The following INSC variants were observed in gnomAD, a reference collection of about 807,000 sequenced individuals.
The protein encoded by INSC is INSC spindle orientation adaptor protein.
Under a neutral mutation model 58.6 loss-of-function variants are expected in INSC, and 67 were observed. The observed-to-expected ratio is 1.14, with a 90% CI of 0.94 to 1.40. The LOEUF (loss-of-function observed/expected upper bound fraction) is 1.40. Among genes scored for constraint, INSC ranks in the 40% most tolerant of loss-of-function variants. The probability of loss-of-function intolerance (pLI) is 0.00; values close to 1 mark genes in which losing one functional copy is unlikely to be tolerated. For synonymous variants in INSC, 262 were observed against 276.1 expected, an observed-to-expected ratio of 0.95 and a Z score of 0.51; for missense variants, 714 against 692.0, an observed-to-expected ratio of 1.03 and a Z score of -0.36.
intron 1 of INSC, among the ~76,000 whole-genome samples, chr11:15,136,824 T>G (rs1054158921): frequency 1.3e-5 from 2 of 152,194 alleles, no homozygotes; most frequent in Non-Finnish European, 2.9e-5. Flanking sequence ...TCCAAATTCC[T>G]GTTAATATTG....
chr11:15,169,034 G>A (rs1457731950), intron 2 of INSC, among the ~76,000 whole-genome samples: 1 of 152,186 alleles, frequency 6.6e-6, no homozygotes, highest in Non-Finnish European at 1.5e-5. Context: ...ATGCCAGTGT[G>A]CAGGCCTTGT....
chr11:15,230,013 A>AATAT (rs1376517539), intron 9 of INSC, among the ~76,000 whole-genome samples: 3 of 23,864 alleles, frequency 1.3e-4, no homozygotes, highest in South Asian at 1.8e-3. Flanking sequence ...ATATATATAT[A>AATAT]ATATATATAT....
intron 7 of INSC, among the ~76,000 whole-genome samples, chr11:15,215,382 G>C (rs1477397793): frequency 6.6e-6 from 1 of 152,182 alleles, no homozygotes; most frequent in East Asian, 1.9e-4. Flanking sequence ...CTTGTGTTTG[G>C]GGCAGCTGGC....
intron 9 of INSC, among the ~76,000 whole-genome samples, chr11:15,229,307 C>A (rs1452085041): frequency 6.6e-6 from 1 of 152,104 alleles, no homozygotes; most frequent in Non-Finnish European, 1.5e-5. Flanking sequence ...ATTTCTGGGA[C>A]CTCACTGTGA....
intron 2 of INSC, among the ~76,000 whole-genome samples, chr11:15,173,624 A>G (rs915143007): frequency 4.6e-5 from 7 of 152,026 alleles, no homozygotes; most frequent in Admixed American, 2.0e-4. Flanking sequence ...ACATATATGT[A>G]TGTGTTCACA....
chr11:15,203,083 A>C (rs1254528822), intron 7 of INSC, among the ~76,000 whole-genome samples: 3 of 152,230 alleles, frequency 2.0e-5, no homozygotes, highest in Non-Finnish European at 2.9e-5. Flanking sequence ...TCTCCATCTT[A>C]AAGATAAGGA....
intron 9 of INSC, among the ~76,000 whole-genome samples, chr11:15,234,757 T>C (rs1286737673): frequency 6.6e-6 from 1 of 152,216 alleles, no homozygotes; most frequent in Non-Finnish European, 1.5e-5. Flanking sequence ...GTATCTGAGT[T>C]AACAGGTGCC....
intron 6 of INSC, among the ~76,000 whole-genome samples, chr11:15,197,288 G>C (rs1277866024): frequency 6.6e-6 from 1 of 152,220 alleles, no homozygotes; most frequent in Admixed American, 6.5e-5. Flanking sequence ...AAAAGATTCA[G>C]GGAGGACTTC....
chr11:15,180,237 A>G (rs1352582086), intron 5 of INSC, among the ~76,000 whole-genome samples: 2 of 152,088 alleles, frequency 1.3e-5, no homozygotes, highest in Non-Finnish European at 2.9e-5. Context: ...CAGCCTGGGC[A>G]ACAGAGTGAG....
chr11:15,240,639 T>C, intron 12 of INSC, 116 bp downstream of exon 12: 1 of 750,902 alleles, frequency 1.3e-6, no homozygotes, highest in Non-Finnish European at 2.4e-6. Flanking sequence ...CTCTCTGGGC[T>C]TTAGCTTTTC....
At chr11:15,269,323 T>C in the INSC span, among the ~76,000 whole-genome samples, 1 of 152,050 alleles carries the variant, frequency 6.6e-6, no homozygotes, top group South Asian at 2.1e-4. Context: ...CATGGCTTCT[T>C]CTACATGTTC....
chr11:15,143,007 T>C (rs1399046829), intron 1 of INSC, among the ~76,000 whole-genome samples: 1 of 152,004 alleles, frequency 6.6e-6, no homozygotes, highest in African/African-American at 2.4e-5. Flanking sequence ...ATAGTTACCA[T>C]TGTCTCCAGT....
the INSC span, among the ~76,000 whole-genome samples, chr11:15,266,801 A>T: frequency 6.6e-6 from 1 of 152,000 alleles, no homozygotes; most frequent in Non-Finnish European, 1.5e-5. Context: ...CATCCAATCC[A>T]CTTTCCCAAC....
chr11:15,188,955 C>A (rs1183735207), intron 5 of INSC, among the ~76,000 whole-genome samples: 2 of 152,098 alleles, frequency 1.3e-5, no homozygotes, highest in Non-Finnish European at 2.9e-5. Context: ...AGTGACAAAT[C>A]TTGGTTATTA....
chr11:15,249,208 T>C (rs1432131717), downstream of INSC, among the ~76,000 whole-genome samples: 1 of 151,898 alleles, frequency 6.6e-6, no homozygotes, highest in Non-Finnish European at 1.5e-5. Flanking sequence ...CAGAGAAGAG[T>C]AGAGATTGGA....
intron 2 of INSC, among the ~76,000 whole-genome samples, chr11:15,173,787 A>C (rs1039742972): frequency 6.6e-6 from 1 of 152,232 alleles, no homozygotes; most frequent in Non-Finnish European, 1.5e-5. Context: ...CAATTTCATA[A>C]TTAAACATAA....
At chr11:15,135,641 A>C (rs991560885) in intron 1 of INSC, among the ~76,000 whole-genome samples, 1 of 152,222 alleles carries the variant, frequency 6.6e-6, no homozygotes, top group Non-Finnish European at 1.5e-5. Context: ...TTGGTCACAT[A>C]GGATGTGAGC....
chr11:15,151,414 T>C (rs1349222108), intron 2 of INSC, among the ~76,000 whole-genome samples: 1 of 151,920 alleles, frequency 6.6e-6, no homozygotes, highest in African/African-American at 2.4e-5. Flanking sequence ...TAATAATCTC[T>C]CTCCCTCCCA....
At chr11:15,162,293 A>G (rs1849045656) in intron 2 of INSC, among the ~76,000 whole-genome samples, 1 of 152,132 alleles carries the variant, frequency 6.6e-6, no homozygotes, top group Admixed American at 6.5e-5. Context: ...AGCCACACTT[A>G]TCTCCATACT....
Sources: allele counts gnomAD v4.1 joint callset (sites outside exome capture counted in the v4.1 genomes callset), GRCh38; gene constraint gnomAD v4.1.1; transcripts MANE v1.5; gene names NCBI Gene and HGNC (gene_info 2026-07-23, HGNC 2026-07-21).